CNPY1: variants seen among roughly 807,000 people sequenced by gnomAD.
The protein encoded by CNPY1 is protein canopy homolog 1.
Under a neutral mutation model 14.4 loss-of-function variants are expected in CNPY1, and 14 were observed. That is an observed-to-expected ratio of 0.97 (90% confidence interval 0.64 to 1.52). The LOEUF (loss-of-function observed/expected upper bound fraction) is 1.52, where lower values mean the gene tolerates loss of function less well. Among genes scored for constraint, CNPY1 ranks in the 40% most tolerant of loss-of-function variants. The pLI is 0.00. For synonymous variants in CNPY1, 43 were observed against 46.5 expected, an observed-to-expected ratio of 0.92 and a Z score of 0.31; for missense variants, 129 against 131.5, an observed-to-expected ratio of 0.98 and a Z score of 0.09.
At chr7:155,538,631 G>A (rs1797050864) in intron 2 of CNPY1, among the ~76,000 whole-genome samples, 1 of 152,230 alleles carries the variant, frequency 6.6e-6, no homozygotes, top group Non-Finnish European at 1.5e-5. Context: ...CTAGCCACAG[G>A]CGTTAGAGGC....
At chr7:155,517,737 T>C (rs1171683163) in intron 2 of CNPY1, among the ~76,000 whole-genome samples, 1 of 152,224 alleles carries the variant, frequency 6.6e-6, no homozygotes, top group African/African-American at 2.4e-5. Flanking sequence ...CTGGCTTCAC[T>C]TTTATCCACT....
chr7:155,504,993 G>C (rs1483759647), intron 4 of CNPY1, among the ~76,000 whole-genome samples: 1 of 152,152 alleles, frequency 6.6e-6, no homozygotes, highest in African/African-American at 2.4e-5. Context: ...ACTTATCAGA[G>C]TTTTTATCAT....
intron 2 of CNPY1, among the ~76,000 whole-genome samples, chr7:155,523,081 A>G (rs908484751): frequency 3.9e-5 from 6 of 152,220 alleles, no homozygotes; most frequent in Non-Finnish European, 8.8e-5. Flanking sequence ...ATTCAGTGGA[A>G]TAAGGAGCAA....
intron 4 of CNPY1, 136 bp downstream of exon 4, chr7:155,506,884 C>T (rs957666437): frequency 1.2e-5 from 8 of 657,810 alleles, no homozygotes; most frequent in African/African-American, 3.7e-5. Context: ...TCTGATTCAG[C>T]GGAGACGGGG....
At chr7:155,503,432 C>A (rs901527158) in intron 4 of CNPY1, among the ~76,000 whole-genome samples, 2 of 152,028 alleles carry the variant, frequency 1.3e-5, no homozygotes, top group Admixed American at 6.6e-5. Context: ...TATTTCACAG[C>A]CTGTAATGGG....
chr7:155,504,888 C>T (rs1390668447), intron 4 of CNPY1, among the ~76,000 whole-genome samples: 1 of 152,232 alleles, frequency 6.6e-6, no homozygotes, highest in African/African-American at 2.4e-5. Flanking sequence ...GGCACCAGTG[C>T]ATCTGGAGTC....
intron 2 of CNPY1, among the ~76,000 whole-genome samples, chr7:155,534,085 C>A (rs1355223792): frequency 6.6e-6 from 1 of 152,170 alleles, no homozygotes; most frequent in Non-Finnish European, 1.5e-5. Flanking sequence ...CACTGACATG[C>A]CTGCCCTGTA....
At position 155,503,188 on chromosome 7, in the gene CNPY1, T is replaced by C. The variant is rs889905431; in HGVS notation, c.401-83A>G. 9.7e-5 allele frequency: 106 copies of C among 1,090,104 alleles called. No homozygotes were observed. In the South Asian group the frequency reaches 1.4e-3, roughly 15 times the overall value. The allele number at this position is 1,090,104 out of a possible 1,614,324, so 67.5% of individuals were successfully genotyped here. ...AGTCATTTACATTATGCAAAAACTA[T>C]GTTCTGGTAGAAGCATATTTTAAAA... On this transcript the variant is annotated intron_variant, in intron 4 of 4. Coordinates refer to ENST00000636446, the MANE Select transcript of CNPY1 (RefSeq NM_001393663.1).
At chr7:155,521,216 G>T (rs933693863) in intron 2 of CNPY1, among the ~76,000 whole-genome samples, 1 of 152,240 alleles carries the variant, frequency 6.6e-6, no homozygotes, top group East Asian at 1.9e-4. Context: ...CAGGAAAGTC[G>T]CCGATGGGGC....
chr7:155,538,418 TCCG>T (rs1173063586), intron 2 of CNPY1, among the ~76,000 whole-genome samples: 1 of 152,204 alleles, frequency 6.6e-6, no homozygotes, highest in Admixed American at 6.5e-5. Context: ...TCCTGGGCTC[TCCG>T]CCTTCACCCG....
chr7:155,509,202 C>T (rs1191494969), intron 2 of CNPY1, 105 bp from the exon 3 acceptor site: 1 of 610,380 alleles, frequency 1.6e-6, no homozygotes, highest in Non-Finnish European at 2.8e-6. Context: ...TGAATGCAAA[C>T]GTGTGCCACT....
At chr7:155,527,689 C>T (rs1796855531) in intron 2 of CNPY1, among the ~76,000 whole-genome samples, 2 of 151,722 alleles carry the variant, frequency 1.3e-5, no homozygotes, top group Non-Finnish European at 2.9e-5. Context: ...TGAGTTCAAG[C>T]TATCCTCCCG....
At position 155,509,104 on chromosome 7, in the gene CNPY1, A is replaced by G; in HGVS notation, c.100-7T>C. 4.6e-6 allele frequency: 7 copies of G among 1,518,134 alleles called. No homozygotes were observed. The highest frequency in any genetic ancestry group is 1.4e-5 in the African/African-American group (1 of 71,358). 94.0% of individuals were successfully genotyped at this position (1,518,134 alleles called of 1,614,324 possible). A position where few individuals can be genotyped will look rare whatever the true frequency, so the allele number is the denominator to read the frequency against. On this transcript the variant is annotated splice_region_variant and splice_polypyrimidine_tract_variant and intron_variant, in intron 2 of 4. Coordinates refer to ENST00000636446, the MANE Select transcript of CNPY1 (RefSeq NM_001393663.1). ...CCGACTGAGCTAGGGGGATCTAAGA[A>G]GAAAGACAGGGCGAGGAAACTTGTC...
At chr7:155,510,603 C>G (rs982780744) in intron 2 of CNPY1, 3 of 152,184 alleles carry the variant, frequency 2.0e-5, no homozygotes, top group African/African-American at 4.8e-5. Context: ...TACCACCACA[C>G]GTATCTAATC....
chr7:155,530,680 A>T (rs910581895), intron 2 of CNPY1, among the ~76,000 whole-genome samples: 2 of 152,118 alleles, frequency 1.3e-5, no homozygotes, highest in African/African-American at 4.8e-5. Flanking sequence ...CTTCCTCTAA[A>T]CATTGGCATG....
At chr7:155,507,155 C>T (rs1281816838) in intron 3 of CNPY1, 39 bp from the exon 4 acceptor site, 5 of 1,284,866 alleles carry the variant, frequency 3.9e-6, no homozygotes, top group South Asian at 3.6e-5. Context: ...GATAGACGCA[C>T]ACTGGCGGGG....
chr7:155,535,821 G>T (rs1307738539), intron 2 of CNPY1, among the ~76,000 whole-genome samples: 1 of 152,204 alleles, frequency 6.6e-6, no homozygotes, highest in African/African-American at 2.4e-5. Context: ...TTGGAAGGCG[G>T]TGGACGGAGA....
In CNPY1 at chr7:155,501,257, A is replaced by G. The variant is rs1374785547; in HGVS notation, c.*1811T>C. On this transcript the variant is annotated 3_prime_UTR_variant, in exon 5 of 5. Coordinates refer to ENST00000636446, the MANE Select transcript of CNPY1 (RefSeq NM_001393663.1). Reference sequence around the variant, plus strand: ...CCCTCTCCATTCAAAGCAAAGCATCACTGTCCATGAAAGGCACCCCTCAGT... The same window carrying G: ...CCCTCTCCATTCAAAGCAAAGCATCGCTGTCCATGAAAGGCACCCCTCAGT... 2 of 152,148 alleles carry G rather than the reference A, an allele frequency of 1.3e-5. No individual in the cohort carries two copies. Among genetic ancestry groups the G allele is most frequent in the Non-Finnish European group, 2.9e-5 (2 of 68,010 alleles). 9.4% of individuals were successfully genotyped at this position (152,148 alleles called of 1,614,324 possible). A position where few individuals can be genotyped will look rare whatever the true frequency, so the allele number is the denominator to read the frequency against.
At chr7:155,515,300 C>T (rs868076273) in intron 2 of CNPY1, among the ~76,000 whole-genome samples, 3 of 135,938 alleles carry the variant, frequency 2.2e-5, no homozygotes, top group South Asian at 5.4e-4. Context: ...GGCCGCCCCC[C>T]CCCCCCCCGG....
Sources: allele counts gnomAD v4.1 joint callset (sites outside exome capture counted in the v4.1 genomes callset), GRCh38; gene constraint gnomAD v4.1.1; transcripts MANE v1.5; gene names NCBI Gene and HGNC (gene_info 2026-07-23, HGNC 2026-07-21).